The following FMN1 variants were observed in gnomAD, a reference collection of about 807,000 sequenced individuals.
The protein encoded by FMN1 is formin-1.
A neutral mutation model predicts 132.4 loss-of-function variants in FMN1; 110 were observed. The ratio of observed to expected loss-of-function variants is 0.83; its 90% CI spans 0.71 to 0.97. The LOEUF (loss-of-function observed/expected upper bound fraction) is 0.97. FMN1 is among the 50% of genes least tolerant of loss of function. The pLI, the probability that FMN1 is intolerant of heterozygous loss-of-function variation, is 0.00. For synonymous variants in FMN1, 722 were observed against 651.7 expected, an observed-to-expected ratio of 1.11 and a Z score of -1.64; for missense variants, 1,792 against 1,705.3, an observed-to-expected ratio of 1.05 and a Z score of -0.90.
chr15:32,788,035 G>C (rs2056938284), intron 19 of FMN1, among the ~76,000 whole-genome samples: 1 of 112,596 alleles, frequency 8.9e-6, no homozygotes, highest in Non-Finnish European at 1.8e-5. Context: ...CCACTTCATA[G>C]TTTTTGTGAG....
At chr15:33,092,819 G>A (rs1042501117) in intron 4 of FMN1, among the ~76,000 whole-genome samples, 1 of 152,142 alleles carries the variant, frequency 6.6e-6, no homozygotes, top group Non-Finnish European at 1.5e-5. Context: ...TCAGCTGAGG[G>A]CTTAAACACA....
At chr15:33,128,196 G>A (rs371296500) in intron 4 of FMN1, among the ~76,000 whole-genome samples, 82 of 151,986 alleles carry the variant, frequency 5.4e-4, no homozygotes, top group African/African-American at 1.8e-3. Context: ...TTGCTCCCGG[G>A]AAAAAAAGCA....
chr15:32,818,166 A>G (rs2058108705), intron 17 of FMN1, among the ~76,000 whole-genome samples: 1 of 152,202 alleles, frequency 6.6e-6, no homozygotes, highest in African/African-American at 2.4e-5. Flanking sequence ...TTGAAATTAT[A>G]TTGAATGTAA....
chr15:32,865,502 A>G lies in FMN1; in HGVS notation c.3836-8395T>C, dbSNP rs564356134. ...TGCACATGTAATTGAGAAATTAAAC[A>G]TATTAGTCAATCTTCAAAAAGTAGC... On this transcript the variant is annotated intron_variant, in intron 16 of 20. Coordinates refer to ENST00000616417, the MANE Select transcript of FMN1 (RefSeq NM_001277313.2). Among the ~76,000 whole-genome samples, 134 of 152,368 alleles carry G rather than the reference A, an allele frequency of 8.8e-4. No homozygotes were observed. In the South Asian group the frequency reaches 0.024, roughly 28 times the overall value.
At chr15:33,192,357 A>G (rs1367255719) in intron 2 of FMN1, among the ~76,000 whole-genome samples, 1 of 152,238 alleles carries the variant, frequency 6.6e-6, no homozygotes, top group East Asian at 1.9e-4. Context: ...TGACCAGGAT[A>G]TGAGACCTAC....
At chr15:33,152,788 C>CAAA (rs367698101) in intron 4 of FMN1, among the ~76,000 whole-genome samples, 20,521 of 66,172 alleles carry the variant, frequency 0.31, 3,271 homozygotes, top group Middle Eastern at 0.48. Flanking sequence ...TAGAGGATGC[C>CAAA]AAAAAAAAAA....
chr15:33,065,429 T>C (rs1257698813), intron 5 of FMN1, among the ~76,000 whole-genome samples: 1 of 152,202 alleles, frequency 6.6e-6, no homozygotes, highest in African/African-American at 2.4e-5. Flanking sequence ...ATGGGAATGT[T>C]TACCAATGTA....
intron 7 of FMN1, among the ~76,000 whole-genome samples, chr15:33,001,365 G>C (rs186436151): frequency 2.1e-4 from 32 of 152,186 alleles, no homozygotes; most frequent in Non-Finnish European, 4.3e-4. Flanking sequence ...TTATTTAAAT[G>C]AATCAATTTC....
intron 19 of FMN1, among the ~76,000 whole-genome samples, chr15:32,797,990 T>G (rs2057345312): frequency 6.6e-6 from 1 of 152,220 alleles, no homozygotes; most frequent in South Asian, 2.1e-4. Context: ...AGGAATTTTT[T>G]GTCTCCTTCC....
At chr15:33,063,931 GAT>G (rs2037599750) in intron 6 of FMN1, 1 of 152,126 alleles carries the variant, frequency 6.6e-6, no homozygotes, top group Admixed American at 6.5e-5. Flanking sequence ...TTTCATTAAG[GAT>G]ATGAGTTTTC....
In FMN1 at chr15:33,081,659, G is replaced by A. The variant is rs540513332; in HGVS notation, c.2043+7140C>T. 9.7e-4 allele frequency among the ~76,000 whole-genome samples: 148 copies of A among 152,326 alleles called. No homozygotes were observed. The Middle Eastern group carries it at 0.034, about 35-fold the overall frequency. ...AAAACAAAAGAAAACAAGTCCAGAA[G>A]TAGTGGAGCGGTAGAAGGACTTAAC... On this transcript the variant is annotated intron_variant, in intron 5 of 20. Transcript: ENST00000616417.
At chr15:32,975,778 T>C (rs918917992) in intron 7 of FMN1, among the ~76,000 whole-genome samples, 2 of 152,184 alleles carry the variant, frequency 1.3e-5, no homozygotes, top group Non-Finnish European at 1.5e-5. Flanking sequence ...CCGGTAGAAA[T>C]GAACCACATT....
intron 12 of FMN1, among the ~76,000 whole-genome samples, chr15:32,907,466 G>A (rs1247055007): frequency 6.6e-6 from 1 of 152,072 alleles, no homozygotes; most frequent in Non-Finnish European, 1.5e-5. Context: ...GGTAATGCCG[G>A]CTTGTCTCTC....
chr15:33,120,295 C>CAA (rs770335593), intron 4 of FMN1, among the ~76,000 whole-genome samples: 9 of 152,142 alleles, frequency 5.9e-5, no homozygotes, highest in Non-Finnish European at 1.2e-4. Context: ...CTAAAGATAG[C>CAA]AGATGTGCTA....
rs1417928854 is a variant in FMN1 at position 32,908,587 on chromosome 15, A to G, written c.3289-9T>C. ...TCATCCTCTTGGGCTCTCTGTATCA[A>G]AATAGAAAACAAAACCAAAAAAAAA... On this transcript the variant is annotated splice_polypyrimidine_tract_variant and intron_variant, in intron 11 of 20. Coordinates refer to ENST00000616417, the MANE Select transcript of FMN1 (RefSeq NM_001277313.2). 1 of 1,539,814 alleles carries G rather than the reference A, an allele frequency of 6.5e-7. No homozygotes were observed. The highest frequency in any genetic ancestry group is 2.3e-5 in the East Asian group (1 of 44,422).
intron 10 of FMN1, among the ~76,000 whole-genome samples, chr15:32,913,994 C>T (rs1253662842): frequency 6.6e-6 from 1 of 152,208 alleles, no homozygotes; most frequent in Non-Finnish European, 1.5e-5. Context: ...TTGTTTGCTT[C>T]TTCCCAATTT....
Position 32,973,754 on chromosome 15 carries a change from T to A in FMN1, c.2224-4277A>T, listed in dbSNP as rs1020170462. On this transcript the variant is annotated intron_variant, in intron 7 of 20. Transcript: ENST00000616417. ...CCATATCATACCAATTATTTCAAAT[T>A]GTGTCTGACTCTATTACAAATGAAG... Among the ~76,000 whole-genome samples, 32 of 152,164 alleles carry A rather than the reference T, an allele frequency of 2.1e-4. 1 individual carries two copies. The highest frequency in any genetic ancestry group is 1.5e-3 in the Admixed American group (23 of 15,286).
At chr15:32,964,389 G>A in intron 8 of FMN1, 132 bp from the exon 9 acceptor site, 1 of 651,768 alleles carries the variant, frequency 1.5e-6, no homozygotes, top group East Asian at 2.6e-5. Context: ...ATAATGCTTG[G>A]AGAAAAGCTT....
At chr15:33,014,619 T>C (rs984755037) in intron 6 of FMN1, among the ~76,000 whole-genome samples, 2 of 152,222 alleles carry the variant, frequency 1.3e-5, no homozygotes, top group African/African-American at 4.8e-5. Context: ...GGCTCCTAAC[T>C]GGCAGGATTC....
Sources: allele counts gnomAD v4.1 joint callset (sites outside exome capture counted in the v4.1 genomes callset), GRCh38; gene constraint gnomAD v4.1.1; transcripts MANE v1.5; gene names NCBI Gene and HGNC (gene_info 2026-07-23, HGNC 2026-07-21).